Variants in C9orf57 observed in about 807,000 individuals in gnomAD.
The protein encoded by C9orf57 is uncharacterized protein C9orf57.
In C9orf57, 12 loss-of-function variants were observed where a neutral mutation model predicts 12.9. The ratio of observed to expected loss-of-function variants is 0.93; its 90% CI spans 0.60 to 1.51. The LOEUF (loss-of-function observed/expected upper bound fraction) is 1.51. C9orf57 is among the 40% of genes most tolerant of loss of function. The probability of loss-of-function intolerance (pLI) is 0.00; values close to 1 mark genes in which losing one functional copy is unlikely to be tolerated. For synonymous variants in C9orf57, 49 were observed against 57.1 expected (o/e 0.86, Z 0.64); for missense variants, 141 against 162.8 (o/e 0.87, Z 0.73).
In C9orf57 at chr9:72,051,431, G is replaced by T. The variant is rs1286249566; in HGVS notation, c.*865C>A. On this transcript the variant is annotated 3_prime_UTR_variant, in exon 5 of 5. Transcript: ENST00000651200. ...ATTTTCAAACTCCTGAAAATACAGAGAAAGACAGTTTTAAATTAAATTTTA... is the reference window on the plus strand; with the variant it reads ...ATTTTCAAACTCCTGAAAATACAGATAAAGACAGTTTTAAATTAAATTTTA... The T allele has an allele frequency of 2.0e-5, 3 of 152,094 alleles. No individual in the cohort carries two copies. The highest frequency in any genetic ancestry group is 7.2e-5 in the African/African-American group (3 of 41,402). 9.4% of individuals were successfully genotyped at this position (152,094 alleles called of 1,614,324 possible).
chr9:72,058,680 T>C (rs899474137), intron 2 of C9orf57, among the ~76,000 whole-genome samples: 2 of 152,194 alleles, frequency 1.3e-5, no homozygotes, highest in Admixed American at 6.5e-5. Flanking sequence ...TTTTCTGCAA[T>C]GTGTTTTATA....
intron 3 of C9orf57, among the ~76,000 whole-genome samples, chr9:72,056,495 T>C (rs1371346461): frequency 6.6e-6 from 1 of 152,050 alleles, no homozygotes; most frequent in Non-Finnish European, 1.5e-5. Context: ...AGAAAGTATA[T>C]AGATTATTAG....
At chr9:72,058,215 C>T (rs538271777) in intron 2 of C9orf57, among the ~76,000 whole-genome samples, 1 of 152,130 alleles carries the variant, frequency 6.6e-6, no homozygotes, top group South Asian at 2.1e-4. Flanking sequence ...GGTTGGAGTG[C>T]AGTGGTGCAA....
chr9:72,058,842 C>T (rs1414112625), intron 2 of C9orf57, among the ~76,000 whole-genome samples: 2 of 152,116 alleles, frequency 1.3e-5, no homozygotes, highest in Non-Finnish European at 2.9e-5. Context: ...TGCCACTAAG[C>T]GTGACAGACT....
intron 2 of C9orf57, 63 bp from the exon 3 acceptor site, chr9:72,056,906 T>A: frequency 7.4e-7 from 1 of 1,346,602 alleles, no homozygotes. Flanking sequence ...TACATATATA[T>A]GTATACTTTT....
chr9:72,059,513 C>T, intron 1 of C9orf57, 129 bp from the exon 2 acceptor site: 4 of 1,163,452 alleles, frequency 3.4e-6, no homozygotes, highest in Non-Finnish European at 4.7e-6. Flanking sequence ...AATAAGGTAC[C>T]TGTCTTTATA....
Position 72,052,114 on chromosome 9 carries a change from G to A in C9orf57, c.*182C>T. On this transcript the variant is annotated 3_prime_UTR_variant, in exon 5 of 5. Coordinates refer to ENST00000651200, the MANE Select transcript of C9orf57 (RefSeq NM_001128618.2). ...GGGCTATTTCTCAGATGAGTTGGAG[G>A]TGGTGGGGGAGATATTGGGAATATT... 1.7e-6 allele frequency: 1 copy of A among 592,122 alleles called. No individual in the cohort carries two copies. The highest frequency in any genetic ancestry group is 2.9e-6 in the Non-Finnish European group (1 of 344,514). The allele number at this position is 592,122 out of a possible 1,614,324, so 36.7% of individuals were successfully genotyped here.
At chr9:72,054,406 A>T (rs928894020) in intron 4 of C9orf57, among the ~76,000 whole-genome samples, 8 of 152,256 alleles carry the variant, frequency 5.3e-5, no homozygotes, top group Non-Finnish European at 1.2e-4. Flanking sequence ...AAGAAATAGA[A>T]TTGCTTTGTC....
rs1229313858 is a variant in C9orf57, at chr9:72,059,558, C to T, written c.-53-174G>A. On this transcript the variant is annotated intron_variant, in intron 1 of 4. Coordinates refer to ENST00000651200, the MANE Select transcript of C9orf57 (RefSeq NM_001128618.2). ...CCATATGGCTGGACGCAGTGGCTCA[C>T]GCCTGTATTCCCAACGCTTTGGGAG... is the stretch of plus-strand genomic sequence containing the variant. Among the ~76,000 whole-genome samples, 7 of 152,310 alleles carry T rather than the reference C, an allele frequency of 4.6e-5. No homozygotes were observed. In the East Asian group the frequency reaches 7.7e-4, roughly 17 times the overall value.
At position 72,056,834 on chromosome 9, in the gene C9orf57, G is replaced by A; in HGVS notation, c.107C>T (p.Thr36Ile). The change falls in exon 3 of 5, where the codon ACC becomes ATC. Residue 36 changes from threonine to isoleucine, a missense_variant. Coordinates refer to ENST00000651200, the MANE Select transcript of C9orf57 (RefSeq NM_001128618.2). Reference protein sequence around the residue: ...ILFGRLGDLGTCQTKPGQYWK... With the variant: ...ILFGRLGDLGICQTKPGQYWK... ...GTACTGACCAGGTTTTGTCTGGCAG[G>A]TTCCCAGGTCTAAAAGACATCCATG... The A allele has an allele frequency of 1.3e-6, 2 of 1,550,730 alleles. No homozygotes were observed. The highest frequency in any genetic ancestry group is 2.4e-5 in the South Asian group (2 of 84,032).
At chr9:72,059,574 G>A (rs866186302) in intron 1 of C9orf57, among the ~76,000 whole-genome samples, 190 bp from the exon 2 acceptor site, 3 of 152,124 alleles carry the variant, frequency 2.0e-5, no homozygotes, top group South Asian at 4.1e-4. Flanking sequence ...TATTCCCAAC[G>A]CTTTGGGAGG....
intron 1 of C9orf57, among the ~76,000 whole-genome samples, chr9:72,060,108 G>A (rs935796541): frequency 3.3e-5 from 5 of 152,108 alleles, no homozygotes; most frequent in African/African-American, 1.2e-4. Context: ...GTGCAATGGC[G>A]TGATCTCAGC....
In C9orf57 at chr9:72,056,281, A is replaced by C. The variant is rs990431188; in HGVS notation, c.158-85T>G. On this transcript the variant is annotated intron_variant, in intron 3 of 4. Coordinates refer to ENST00000651200, the MANE Select transcript of C9orf57 (RefSeq NM_001128618.2). Reference sequence around the variant, plus strand: ...GAAGGAAGAGAGATCAAAAAAATAAAGTAGTGATTTTTGACTTTATATATA... The same window carrying C: ...GAAGGAAGAGAGATCAAAAAAATAACGTAGTGATTTTTGACTTTATATATA... 1.5e-5 allele frequency: 16 copies of C among 1,091,834 alleles called. No individual in the cohort carries two copies. The African/African-American group carries it at 2.6e-4, about 17-fold the overall frequency. The allele number at this position is 1,091,834 out of a possible 1,614,324, so 67.6% of individuals were successfully genotyped here. A position where few individuals can be genotyped will look rare whatever the true frequency, so the allele number is the denominator to read the frequency against.
At chr9:72,057,363 T>C (rs990955595) in intron 2 of C9orf57, among the ~76,000 whole-genome samples, 2 of 151,890 alleles carry the variant, frequency 1.3e-5, no homozygotes, top group Non-Finnish European at 2.9e-5. Context: ...GTAGCTGGGA[T>C]TACAGGTGCA....
chr9:72,059,756 G>A (rs1245921607), intron 1 of C9orf57, among the ~76,000 whole-genome samples: 1 of 152,164 alleles, frequency 6.6e-6, no homozygotes, highest in Non-Finnish European at 1.5e-5. Flanking sequence ...AGGATGCAAA[G>A]GTTGCAGTGA....
chr9:72,054,124 A>G (rs1824139321), intron 4 of C9orf57, among the ~76,000 whole-genome samples: 1 of 152,090 alleles, frequency 6.6e-6, no homozygotes, highest in Non-Finnish European at 1.5e-5. Context: ...TCAGCTCCCC[A>G]GGTAGCTGGG....
chr9:72,056,067 A>G lies in C9orf57; in HGVS notation c.280+7T>C. 1 of 1,544,878 alleles carries G rather than the reference A, an allele frequency of 6.5e-7. No individual in the cohort carries two copies. The highest frequency in any genetic ancestry group is 8.7e-7 in the Non-Finnish European group (1 of 1,143,384). On this transcript the variant is annotated splice_region_variant and intron_variant, in intron 4 of 4. Coordinates refer to ENST00000651200, the MANE Select transcript of C9orf57 (RefSeq NM_001128618.2). ...TTAATTAAAATTTTTAAAGTGTCAA[A>G]ACTTACCTTGAATGTGGACCTCTTC...
intron 1 of C9orf57, among the ~76,000 whole-genome samples, chr9:72,060,047 T>TATC (rs1471453119): frequency 1.4e-5 from 2 of 145,296 alleles, no homozygotes; most frequent in East Asian, 3.8e-4. Flanking sequence ...TATGAATTAT[T>TATC]ATTATTATTA....
chr9:72,054,764 A>G (rs1353655577), intron 4 of C9orf57, among the ~76,000 whole-genome samples: 2 of 151,926 alleles, frequency 1.3e-5, no homozygotes, highest in African/African-American at 4.8e-5. Context: ...TTTATTCTGG[A>G]TAAATATTAA....
Sources: allele counts gnomAD v4.1 joint callset (sites outside exome capture counted in the v4.1 genomes callset), GRCh38; gene constraint gnomAD v4.1.1; transcripts MANE v1.5; gene names NCBI Gene and HGNC (gene_info 2026-07-23, HGNC 2026-07-21).